KMT2A: variants seen among roughly 807,000 people sequenced by gnomAD.
The protein encoded by KMT2A is lysine methyltransferase 2A.
In KMT2A, 16 loss-of-function variants were observed where a neutral mutation model predicts 345.3. That is an observed-to-expected ratio of 0.05 (90% CI 0.03 to 0.07). The LOEUF (loss-of-function observed/expected upper bound fraction) is 0.07. Among genes scored for constraint, KMT2A ranks in the 10% least tolerant of loss-of-function variants. KMT2A has a pLI of 1.00. For synonymous variants in KMT2A, 1,599 were observed against 1,778.6 expected (o/e 0.90, Z 2.54); for missense variants, 3,272 against 4,841.6 (o/e 0.68, Z 9.62).
At chr11:118,500,748 G>A (rs1482376767) in intron 24 of KMT2A, 4 of 355,166 alleles carry the variant, frequency 1.1e-5, no homozygotes, top group Non-Finnish European at 2.0e-5. Flanking sequence ...TTTGGTGCCT[G>A]CTTATGGTAC....
chr11:118,482,534 G>GTATT, intron 8 of KMT2A, 39 bp downstream of exon 8: 1 of 1,424,510 alleles, frequency 7.0e-7, no homozygotes, highest in Non-Finnish European at 9.9e-7. Flanking sequence ...TCTCAGGGAT[G>GTATT]TATTCTATTT....
Position 118,502,567 on chromosome 11 carries a change from T to G in KMT2A, c.6675T>G (p.Asn2225Lys). The change falls in exon 27 of 36, where the codon AAT (asparagine) becomes AAG (lysine). Residue 2225 changes from asparagine (N) to lysine (K), a missense_variant. This residue lies in a region of KMT2A where 445 missense variants were observed against 500.9 expected (regional missense o/e 0.89). Coordinates refer to ENST00000534358, the MANE Select transcript of KMT2A (RefSeq NM_001197104.2). This position sits in a 1 kb window ranked among gnomAD's most constrained non-coding sequence, Gnocchi z 4.9. ...PMRTGNTYSR[N>K]NVSSVSTTGT... is the part of the protein sequence containing the mutation. ...GAACTGGGAATACTTACTCTAGGAA[T>G]AATGTTTCCTCAGTCTCCACCACCG... is the stretch of plus-strand genomic sequence containing the variant. The G allele has an allele frequency of 6.2e-7, 1 of 1,614,184 alleles. No homozygotes were observed. Among genetic ancestry groups the G allele is most frequent in the Non-Finnish European group, 8.5e-7 (1 of 1,180,020 alleles).
intron 31 of KMT2A, among the ~76,000 whole-genome samples, chr11:118,516,066 G>A (rs929324269): frequency 2.0e-5 from 3 of 152,140 alleles, no homozygotes; most frequent in African/African-American, 7.2e-5. Context: ...GGTTTAGCCT[G>A]GAGGTTAACC....
rs781864733 is a variant in KMT2A, at chr11:118,521,312, T to G, written c.11538T>G (p.Leu3846=). The G allele has an allele frequency of 6.2e-7, 1 of 1,614,134 alleles. No homozygotes were observed. The highest frequency in any genetic ancestry group is 1.7e-5 in the Admixed American group (1 of 60,014). ...VYRSPIHGRG[L]FCKRNIDAGE... The stretch of plus-strand genomic sequence containing the variant: ...GGTCTCCCATCCATGGCCGGGGTCT[T>G]TTCTGTAAGAGAAACATTGATGCAG... Residue 3846 remains leucine (L), a synonymous_variant, in exon 35 of 36, where the codon CTT becomes CTG. Coordinates refer to ENST00000534358, the MANE Select transcript of KMT2A (RefSeq NM_001197104.2). This position sits in a 1 kb window ranked among gnomAD's most constrained non-coding sequence, Gnocchi z 5.3.
intron 31 of KMT2A, among the ~76,000 whole-genome samples, chr11:118,518,724 G>A (rs1403840528): frequency 6.8e-6 from 1 of 147,234 alleles, no homozygotes; most frequent in Non-Finnish European, 1.5e-5. Context: ...TGGAGTTGTA[G>A]CGAGCTGAGA....
chr11:118,440,809 C>G (rs1949297069), intron 1 of KMT2A, among the ~76,000 whole-genome samples: 1 of 143,406 alleles, frequency 7.0e-6, no homozygotes, highest in Non-Finnish European at 1.5e-5. Flanking sequence ...TTAATGTTTA[C>G]TGGTCATGTA....
Position 118,468,848 on chromosome 11 carries a change from C to T in KMT2A, c.502+4C>T, listed in dbSNP as rs782195145. The stretch of plus-strand genomic sequence containing the variant: ...AGTCCCACAAGGTCTCCTTCAGGTA[C>T]GGCCAATTAAGTGCATGGTGCCTTT... On this transcript the variant is annotated splice_donor_region_variant and intron_variant, in intron 2 of 35. Coordinates refer to ENST00000534358, the MANE Select transcript of KMT2A (RefSeq NM_001197104.2). The T allele has an allele frequency of 2.3e-5, 37 of 1,611,384 alleles. No individual in the cohort carries two copies. The highest frequency in any genetic ancestry group is 1.7e-4 in the African/African-American group (13 of 74,846).
In KMT2A at chr11:118,520,003, C is replaced by A; in HGVS notation, c.11368C>A (p.Gln3790Lys). Residue 3790 changes from glutamine (Q) to lysine (K), a missense_variant, in exon 33 of 36, where the codon CAG (glutamine) becomes AAG (lysine). This residue lies in a region of KMT2A where 78 missense variants were observed against 254.5 expected (regional missense o/e 0.31). Transcript: ENST00000534358. This position sits in a 1 kb window ranked among gnomAD's most constrained non-coding sequence, Gnocchi z 4.3. ...MFNFLASKHRQPPEYNPNDEE... is the reference protein window; with the variant it reads ...MFNFLASKHRKPPEYNPNDEE... Reference sequence around the variant, plus strand: ...TAACTTCCTGGCTTCTAAACATCGTCAGCCTCCTGAATACAACCCCAATGA... The same window carrying A: ...TAACTTCCTGGCTTCTAAACATCGTAAGCCTCCTGAATACAACCCCAATGA... The A allele has an allele frequency of 6.2e-7, 1 of 1,614,180 alleles. No individual in the cohort carries two copies. Among genetic ancestry groups the A allele is most frequent in the South Asian group, 1.1e-5 (1 of 91,078 alleles).
Position 118,473,584 on chromosome 11 carries a change from T to A in KMT2A, c.2425T>A (p.Ser809Thr), listed in dbSNP as rs1442402265. The A allele has an allele frequency of 3.7e-6, 6 of 1,614,084 alleles. No homozygotes were observed. In the East Asian group the frequency reaches 1.3e-4, roughly 36 times the overall value. Residue 809 changes from serine (S) to threonine (T), a missense_variant, in exon 3 of 36, where the codon TCT becomes ACT. Physicochemically the swap from Ser to Thr is moderately conservative, Grantham distance 58. Around this residue, in one of 27 missense-constraint regions of KMT2A, gnomAD observed 209 missense variants for 237.4 expected, o/e 0.88. Coordinates refer to ENST00000534358, the MANE Select transcript of KMT2A (RefSeq NM_001197104.2). The surrounding 1 kb of genome is among the most constrained non-coding windows in gnomAD (Gnocchi z 5.2). Reference protein sequence around the residue: ...PSHSLTQSGESAEKNQRPRKQ... With the variant: ...PSHSLTQSGETAEKNQRPRKQ... ...TCATTCCCTGACTCAGTCTGGGGAA[T>A]CTGCAGAGAAAAATCAGAGACCAAG...
rs578082162 is a variant in KMT2A, at chr11:118,452,641, G to GT, written c.432+15707dup. ...CCCCTTCTTTTTTTTTTTCTTTCTT[G>GT]TTTTTTTTTTGAGATGGAGTCTCAC... On this transcript the variant is annotated intron_variant, in intron 1 of 35. Transcript: ENST00000534358. Among the ~76,000 whole-genome samples the GT allele has an allele frequency of 2.2e-3, 287 of 131,632 alleles. 4 individuals are homozygous for GT. Among genetic ancestry groups the GT allele is most frequent in the South Asian group, 0.021 (84 of 4,064 alleles). 86.4% of individuals were successfully genotyped at this position (131,632 alleles called of 152,430 possible). A position where few individuals can be genotyped will look rare whatever the true frequency, so the allele number is the denominator to read the frequency against.
chr11:118,497,193 G>A lies in KMT2A; in HGVS notation c.5665-743G>A, dbSNP rs576142171. ...CTAATTTTGTATTTTTAGTAGAGAC[G>A]GAGTTTCTCCATGTTGGTCAGGCTG... On this transcript the variant is annotated intron_variant, in intron 20 of 35. Transcript: ENST00000534358. This position sits in a 1 kb window ranked among gnomAD's most constrained non-coding sequence, Gnocchi z 4.8. Among the ~76,000 whole-genome samples the A allele has an allele frequency of 2.0e-5, 3 of 152,076 alleles. No individual in the cohort carries two copies. The highest frequency in any genetic ancestry group is 2.4e-5 in the African/African-American group (1 of 41,492).
intron 1 of KMT2A, among the ~76,000 whole-genome samples, chr11:118,442,741 G>C (rs782163929): frequency 6.6e-6 from 1 of 152,178 alleles, no homozygotes; most frequent in South Asian, 2.1e-4. Flanking sequence ...AGATTTTCAG[G>C]AATTGTCTAG....
chr11:118,489,988 G>T, intron 12 of KMT2A, 101 bp downstream of exon 12: 1 of 1,424,668 alleles, frequency 7.0e-7, no homozygotes, highest in Non-Finnish European at 9.8e-7. Context: ...ATGTCAGTAT[G>T]ACAATCTTTT....
chr11:118,457,530 C>G (rs1197845187), intron 1 of KMT2A, among the ~76,000 whole-genome samples: 1 of 151,896 alleles, frequency 6.6e-6, no homozygotes, highest in Non-Finnish European at 1.5e-5. Context: ...GTTGGCCTCC[C>G]AAAGTGCTGG....
chr11:118,509,298 A>C (rs1950642599), intron 29 of KMT2A, 98 bp downstream of exon 29: 1 of 1,018,350 alleles, frequency 9.8e-7, no homozygotes, highest in Admixed American at 2.7e-5. Flanking sequence ...CATTTAAAAA[A>C]AAAAATCTAA....
At chr11:118,507,778 G>A in intron 28 of KMT2A, 169 bp downstream of exon 28, 1 of 567,478 alleles carries the variant, frequency 1.8e-6, no homozygotes, top group Non-Finnish European at 3.2e-6. Context: ...TGGCTAACAT[G>A]GTGAAACCCC....
At chr11:118,439,157 GCAA>G in intron 1 of KMT2A, 3 of 195,788 alleles carry the variant, frequency 1.5e-5, no homozygotes, top group South Asian at 4.7e-5. Flanking sequence ...AGATACAGCA[GCAA>G]AAAAAAAAAA....
chr11:118,493,487 A>G lies in KMT2A; in HGVS notation c.5178+257A>G, dbSNP rs1950356635. Among the ~76,000 whole-genome samples, 1 of 152,134 alleles carries G rather than the reference A, an allele frequency of 6.6e-6. No homozygotes were observed. The highest frequency in any genetic ancestry group is 2.1e-4 in the South Asian group (1 of 4,824). On this transcript the variant is annotated intron_variant, in intron 16 of 35. Transcript: ENST00000534358. This position sits in a 1 kb window ranked among gnomAD's most constrained non-coding sequence, Gnocchi z 5.8. ...TCTCAGTTTTCTGAAAATTATTTTT[A>G]TATTAAGAGGAAGCACTAAGAAACT... is the stretch of plus-strand genomic sequence containing the variant.
At position 118,498,219 on chromosome 11, in the gene KMT2A, GAT is replaced by G; in HGVS notation, c.5802+148_5803-148del. On this transcript the variant is annotated intron_variant, in intron 21 of 35. Transcript: ENST00000534358. This position sits in a 1 kb window ranked among gnomAD's most constrained non-coding sequence, Gnocchi z 4.4. ...AAGTATTGATATACATAATTCAACAGATAAAATGATAAATTTTATCTGTTTTC... is the reference window on the plus strand; with the variant it reads ...AAGTATTGATATACATAATTCAACAGAAAATGATAAATTTTATCTGTTTTC... The G allele has an allele frequency of 1.7e-6, 2 of 1,157,116 alleles. No individual in the cohort carries two copies. Among genetic ancestry groups the G allele is most frequent in the Non-Finnish European group, 2.5e-6 (2 of 810,938 alleles). The allele number at this position is 1,157,116 out of a possible 1,614,324, so 71.7% of individuals were successfully genotyped here.
Sources: gnomAD v4.1 joint callset for allele counts (sites outside exome capture counted in the v4.1 genomes callset) on GRCh38, gnomAD v4.1.1 for gene constraint, gnomAD v4.1.1 regional missense constraint, Gnocchi (gnomAD v3.1) non-coding constraint, MANE v1.5 for transcripts, NCBI Gene and HGNC (gene_info 2026-07-23, HGNC 2026-07-21) for gene names.